Variants in SNX8 observed in about 807,000 individuals in gnomAD.
The protein encoded by SNX8 is sorting nexin-8.
SNX8 carries 25 observed loss-of-function variants against 51.6 expected under a neutral mutation model. That is an observed-to-expected ratio of 0.48 (90% CI 0.35 to 0.68). The LOEUF is 0.68. SNX8 is among the 30% of genes least tolerant of loss of function. The pLI, the probability that SNX8 is intolerant of heterozygous loss-of-function variation, is 0.00. For missense variants in SNX8, 695 were observed against 624.0 expected (o/e 1.11, Z -1.21); for synonymous variants, 324 against 277.0 (o/e 1.17, Z -1.68).
chr7:2,263,435 C>A, intron 6 of SNX8, 73 bp from the exon 7 acceptor site: 1 of 1,447,120 alleles, frequency 6.9e-7, no homozygotes, highest in Non-Finnish European at 9.4e-7. Flanking sequence ...TCTGGCATCC[C>A]CCCCGACAGA....
At chr7:2,349,076 C>T (rs983285722) in intron 1 of SNX8, among the ~76,000 whole-genome samples, 1 of 149,902 alleles carries the variant, frequency 6.7e-6, no homozygotes, top group Admixed American at 6.7e-5. Flanking sequence ...AGGTGGCTTA[C>T]ACCTGCAATA....
At chr7:2,308,519 T>G (rs1316720317) in intron 1 of SNX8, among the ~76,000 whole-genome samples, 3 of 151,442 alleles carry the variant, frequency 2.0e-5, no homozygotes, top group African/African-American at 7.3e-5. Flanking sequence ...AATACAAAAA[T>G]TAGCTGGGCA....
intron 1 of SNX8, among the ~76,000 whole-genome samples, chr7:2,282,380 G>A (rs185744579): frequency 3.9e-5 from 6 of 152,238 alleles, no homozygotes; most frequent in East Asian, 1.9e-4. Flanking sequence ...CCAGGCATGC[G>A]GTGAGGGGCA....
At chr7:2,267,070 G>T (rs1795481276) in intron 5 of SNX8, among the ~76,000 whole-genome samples, 1 of 152,178 alleles carries the variant, frequency 6.6e-6, no homozygotes, top group South Asian at 2.1e-4. Flanking sequence ...CTGCTTAGAG[G>T]CTCGGGGCCT....
chr7:2,261,756 G>GA (rs1795342141), intron 7 of SNX8, among the ~76,000 whole-genome samples: 1 of 152,192 alleles, frequency 6.6e-6, no homozygotes, highest in African/African-American at 2.4e-5. Flanking sequence ...GGAAGAGGAA[G>GA]AAAACCCAAG....
chr7:2,280,792 C>CTTTTT, intron 1 of SNX8, among the ~76,000 whole-genome samples: 1 of 138,812 alleles, frequency 7.2e-6, no homozygotes, highest in Non-Finnish European at 1.5e-5. Context: ...CTAGAATGCC[C>CTTTTT]TTTTTTTTTT....
At chr7:2,264,178 G>T in intron 6 of SNX8, 120 bp downstream of exon 6, 1 of 960,648 alleles carries the variant, frequency 1.0e-6, no homozygotes, top group Non-Finnish European at 1.5e-6. Flanking sequence ...TGCCCCTTCT[G>T]AGATGAAACA....
chr7:2,261,482 C>G (rs1795334919), intron 7 of SNX8, among the ~76,000 whole-genome samples: 1 of 152,172 alleles, frequency 6.6e-6, no homozygotes, highest in Admixed American at 6.5e-5. Context: ...TAGTCCAACC[C>G]CCTTGTATTT....
At chr7:2,346,671 G>A (rs1462737591) in intron 1 of SNX8, among the ~76,000 whole-genome samples, 3 of 148,894 alleles carry the variant, frequency 2.0e-5, no homozygotes, top group African/African-American at 7.4e-5. Context: ...GCGTGAACCT[G>A]GGAGGCGGAG....
At chr7:2,255,288 C>G (rs1795150502) in intron 10 of SNX8, 119 bp from the exon 11 acceptor site, 1 of 637,690 alleles carries the variant, frequency 1.6e-6, no homozygotes, top group Admixed American at 2.9e-5. Flanking sequence ...GGTGCGCCAG[C>G]TCCTCAAACC....
At chr7:2,303,363 C>A (rs984340880) in intron 1 of SNX8, among the ~76,000 whole-genome samples, 1 of 151,280 alleles carries the variant, frequency 6.6e-6, no homozygotes, top group East Asian at 2.0e-4. Context: ...GCCAGCCGCC[C>A]CGTCTGGGAG....
upstream of SNX8, among the ~76,000 whole-genome samples, chr7:2,314,896 TCA>T (rs1796729416): frequency 6.6e-6 from 1 of 151,886 alleles, no homozygotes; most frequent in Non-Finnish European, 1.5e-5. Context: ...ACCCACTCAC[TCA>T]CTGCATCCTA....
At chr7:2,295,319 G>A (rs1050552799) in intron 1 of SNX8, among the ~76,000 whole-genome samples, 1 of 150,220 alleles carries the variant, frequency 6.7e-6, no homozygotes, top group Non-Finnish European at 1.5e-5. Context: ...CTCGAGAACT[G>A]CTTGAACTCA....
chr7:2,305,246 A>T (rs2115193969), intron 1 of SNX8, among the ~76,000 whole-genome samples: 1 of 152,170 alleles, frequency 6.6e-6, no homozygotes, highest in Non-Finnish European at 1.5e-5. Flanking sequence ...CCCTAAAGGC[A>T]CCTCCCTCTG....
At chr7:2,255,557 C>T (rs562453367) in intron 10 of SNX8, among the ~76,000 whole-genome samples, 2 of 152,282 alleles carry the variant, frequency 1.3e-5, no homozygotes, top group South Asian at 4.1e-4. Context: ...GGGCAACACA[C>T]GGACACCCTG....
intron 1 of SNX8, among the ~76,000 whole-genome samples, chr7:2,329,022 C>T (rs1778680700): frequency 6.6e-6 from 1 of 150,826 alleles, no homozygotes; most frequent in Non-Finnish European, 1.5e-5. Flanking sequence ...GGAGGCAGAG[C>T]TTGCAGTGAG....
At position 2,257,765 on chromosome 7, in the gene SNX8, G is replaced by A; in HGVS notation, c.954C>T (p.Asn318=). Residue 318 remains asparagine, a synonymous_variant, in exon 8 of 11, where the codon AAC becomes AAT. Transcript: ENST00000222990. The part of the protein sequence containing the change: ...QEENDVVEKL[N]LFLDLLQSYK... ...AGGACTGCAGCAGATCCAAGAAGAG[G>A]TTCAGCTTCTCCACCACGTCGTTCT... is the stretch of plus-strand genomic sequence containing the variant. 6.2e-6 allele frequency: 10 copies of A among 1,614,086 alleles called. No homozygotes were observed. The highest frequency in any genetic ancestry group is 8.5e-6 in the Non-Finnish European group (10 of 1,180,002).
intron 1 of SNX8, among the ~76,000 whole-genome samples, chr7:2,304,536 T>A (rs1796504058): frequency 6.7e-6 from 1 of 149,620 alleles, no homozygotes; most frequent in East Asian, 2.0e-4. Context: ...AGAGCGAGAC[T>A]CCATCTCAAA....
chr7:2,341,944 G>A (rs762141681), intron 1 of SNX8, among the ~76,000 whole-genome samples: 1 of 152,076 alleles, frequency 6.6e-6, no homozygotes, highest in Non-Finnish European at 1.5e-5. Context: ...CTGCACTCCA[G>A]CCTGGATGAC....
Sources: allele counts gnomAD v4.1 joint callset (sites outside exome capture counted in the v4.1 genomes callset), GRCh38; gene constraint gnomAD v4.1.1; transcripts MANE v1.5; gene names NCBI Gene and HGNC (gene_info 2026-07-23, HGNC 2026-07-21).